EREG: variants seen among roughly 807,000 people sequenced by gnomAD.
EREG encodes the protein epiregulin.
Under a neutral mutation model 22.4 loss-of-function variants are expected in EREG, and 23 were observed. The ratio of observed to expected loss-of-function variants is 1.03; its 90% CI spans 0.74 to 1.46. EREG has a LOEUF of 1.46. EREG is among the 40% of genes most tolerant of loss of function. The probability of loss-of-function intolerance (pLI) is 0.00; values close to 1 mark genes in which losing one functional copy is unlikely to be tolerated. For synonymous variants in EREG, 100 were observed against 75.4 expected, an observed-to-expected ratio of 1.33 and a Z score of -1.69; for missense variants, 226 against 205.9, an observed-to-expected ratio of 1.10 and a Z score of -0.60.
At chr4:74,380,008 T>C (rs1194232922) in intron 2 of EREG, among the ~76,000 whole-genome samples, 1 of 152,214 alleles carries the variant, frequency 6.6e-6, no homozygotes, top group East Asian at 1.9e-4. Flanking sequence ...GAGTATGTAG[T>C]ATGCACCAAA....
Position 74,384,929 on chromosome 4 carries a change from T to C in EREG, c.*121T>C, listed in dbSNP as rs112964095. 3.4e-3 allele frequency: 1,709 copies of C among 502,860 alleles called. 24 individuals carry two copies. Among genetic ancestry groups the C allele is most frequent in the African/African-American group, 0.03 (1,539 of 51,428 alleles). 31.1% of individuals were successfully genotyped at this position (502,860 alleles called of 1,614,324 possible). On this transcript the variant is annotated 3_prime_UTR_variant, in exon 5 of 5. Transcript: ENST00000244869. ...AGGTCAATAACACTGTATTTTAATG[T>C]ACTTGAAAAATGTTTTTATTTTTGT...
intron 1 of EREG, among the ~76,000 whole-genome samples, chr4:74,375,512 A>T (rs1966937): frequency 2.0e-5 from 3 of 146,724 alleles, no homozygotes; most frequent in Non-Finnish European, 1.5e-5. Flanking sequence ...TGTATTTTTA[A>T]TAGAGACGGG....
chr4:74,383,030 T>A (rs566845876), intron 4 of EREG, among the ~76,000 whole-genome samples: 1 of 152,340 alleles, frequency 6.6e-6, no homozygotes, highest in South Asian at 2.1e-4. Flanking sequence ...CCTGCATGTG[T>A]ACCCCCGAAT....
intron 1 of EREG, among the ~76,000 whole-genome samples, chr4:74,366,654 A>G (rs755933413): frequency 6.6e-6 from 1 of 152,230 alleles, no homozygotes; most frequent in South Asian, 2.1e-4. Context: ...GTAAGGTTGC[A>G]TCTGAACAAT....
At chr4:74,376,012 A>G (rs1159439428) in intron 1 of EREG, among the ~76,000 whole-genome samples, 2 of 152,346 alleles carry the variant, frequency 1.3e-5, no homozygotes, top group Non-Finnish European at 2.9e-5. Context: ...GAGTAAGGAA[A>G]GTCCAGTCTT....
Position 74,384,736 on chromosome 4 carries a change from T to G in EREG, c.438T>G (p.Asn146Lys). The change falls in exon 5 of 5, where the codon AAT (asparagine) becomes AAG (lysine). Residue 146 changes from asparagine to lysine, a missense_variant. Transcript: ENST00000244869. ...TTGTGAATATTTCCAGGTACAGAAA[T>G]CGAAAAAGTAAAGAACCAAAGAAGG... ...STYYFCRWYR[N>K]RKSKEPKKEY... 1 of 1,608,724 alleles carries G rather than the reference T, an allele frequency of 6.2e-7. No individual in the cohort carries two copies. The highest frequency in any genetic ancestry group is 8.5e-7 in the Non-Finnish European group (1 of 1,175,422).
At chr4:74,377,867 C>G (rs1752407562) in intron 1 of EREG, among the ~76,000 whole-genome samples, 1 of 152,176 alleles carries the variant, frequency 6.6e-6, no homozygotes. Context: ...AATCACCTCC[C>G]TCCTTGGACA....
chr4:74,385,800 C>T lies in EREG; in HGVS notation c.*992C>T, dbSNP rs559509935. On this transcript the variant is annotated 3_prime_UTR_variant, in exon 5 of 5. Transcript: ENST00000244869. ...TACATGTTGTCTTAAGATGGAAATA[C>T]AGTTATTTCATCTTTTATTCAAGGA... 7.6e-6 allele frequency: 3 copies of T among 395,134 alleles called. No homozygotes were observed. The highest frequency in any genetic ancestry group is 1.3e-4 in the South Asian group (1 of 7,804). The allele number at this position is 395,134 out of a possible 1,614,324, so 24.5% of individuals were successfully genotyped here. A position where few individuals can be genotyped will look rare whatever the true frequency, so the allele number is the denominator to read the frequency against.
Position 74,379,459 on chromosome 4 carries a change from C to A in EREG, c.79C>A (p.Leu27Ile), listed in dbSNP as rs761666107. The change falls in exon 2 of 5, where the codon CTA becomes ATA. Residue 27 changes from leucine to isoleucine, a missense_variant. Physicochemically the swap from Leu to Ile is conservative, Grantham distance 5. Transcript: ENST00000244869. ...ALLLCLGFHL[L>I]QAVLSTTVIP... ...TTCTTCATAAATAGGTTTCCATCTT[C>A]TACAGGCAGTCCTCAGTACAACTGT... The A allele has an allele frequency of 3.7e-6, 6 of 1,603,736 alleles. No individual in the cohort carries two copies. The Admixed American group carries it at 1.0e-4, about 27-fold the overall frequency.
In EREG at chr4:74,365,213, T is replaced by G. The variant is rs6836436; in HGVS notation, c.-96T>G. ...GGGTCCCTTCTAGGCTGACAGCCGC[T>G]CTCCAGCCACTGCCGCGAGCCCGTC... On this transcript the variant is annotated 5_prime_UTR_variant, in exon 1 of 5. Coordinates refer to ENST00000244869, the MANE Select transcript of EREG (RefSeq NM_001432.3). 0.048 allele frequency: 45,362 copies of G among 939,102 alleles called. 2,549 individuals carry two copies. Among genetic ancestry groups the G allele is most frequent in the African/African-American group, 0.22 (13,633 of 61,932 alleles). 58.2% of individuals were successfully genotyped at this position (939,102 alleles called of 1,614,324 possible). A position where few individuals can be genotyped will look rare whatever the true frequency, so the allele number is the denominator to read the frequency against.
intron 1 of EREG, among the ~76,000 whole-genome samples, chr4:74,378,963 G>A (rs1256056413): frequency 6.6e-6 from 1 of 152,168 alleles, no homozygotes; most frequent in Non-Finnish European, 1.5e-5. Context: ...CATGTGTAAT[G>A]CAATGCAAAG....
chr4:74,376,151 G>C (rs943213820), intron 1 of EREG, among the ~76,000 whole-genome samples: 1 of 152,136 alleles, frequency 6.6e-6, no homozygotes, highest in African/African-American at 2.4e-5. Flanking sequence ...CTTTAAAAAA[G>C]AAGACTAACA....
At chr4:74,384,332 A>T (rs1465156757) in intron 4 of EREG, among the ~76,000 whole-genome samples, 1 of 152,204 alleles carries the variant, frequency 6.6e-6, no homozygotes, top group Non-Finnish European at 1.5e-5. Context: ...TATCAATGTG[A>T]TGGAAAGAGT....
At chr4:74,370,800 T>C (rs1413766043) in intron 1 of EREG, among the ~76,000 whole-genome samples, 1 of 152,156 alleles carries the variant, frequency 6.6e-6, no homozygotes, top group East Asian at 1.9e-4. Context: ...CCAAACTTCA[T>C]TTCACCCTCT....
At chr4:74,370,649 G>C (rs1436153900) in intron 1 of EREG, among the ~76,000 whole-genome samples, 1 of 152,102 alleles carries the variant, frequency 6.6e-6, no homozygotes, top group Non-Finnish European at 1.5e-5. Flanking sequence ...TAGAGAGAGA[G>C]AGACAGAAAG....
chr4:74,368,781 T>C lies in EREG; in HGVS notation c.67+3406T>C, dbSNP rs114122383. Among the ~76,000 whole-genome samples the C allele has an allele frequency of 2.2e-3, 329 of 152,292 alleles. 1 individual carries two copies. Among genetic ancestry groups the C allele is most frequent in the African/African-American group, 7.5e-3 (311 of 41,580 alleles). ...GCCTGTACAAATCGTCTAATTAATA[T>C]GGCTGTAACTGCTGCTGGGAACATT... On this transcript the variant is annotated intron_variant, in intron 1 of 4. Transcript: ENST00000244869.
Position 74,385,600 on chromosome 4 carries a change from T to C in EREG, c.*792T>C. The stretch of plus-strand genomic sequence containing the variant: ...TATTACAACATTTATGTGAGGTAAT[T>C]ATTGCTCAACAGACAATTAGAAAAA... On this transcript the variant is annotated 3_prime_UTR_variant, in exon 5 of 5. Transcript: ENST00000244869. 1 of 307,112 alleles carries C rather than the reference T, an allele frequency of 3.3e-6. No individual in the cohort carries two copies. Among genetic ancestry groups the C allele is most frequent in the Non-Finnish European group, 5.9e-6 (1 of 169,306 alleles). The allele number at this position is 307,112 out of a possible 1,614,324, so 19.0% of individuals were successfully genotyped here.
intron 1 of EREG, among the ~76,000 whole-genome samples, chr4:74,377,216 GATAGGAAAA>G (rs1179386040): frequency 6.7e-6 from 1 of 148,820 alleles, no homozygotes; most frequent in African/African-American, 2.5e-5. Flanking sequence ...AAATCTATAA[GATAGGAAAA>G]ATTAACACCC....
At position 74,386,095 on chromosome 4, in the gene EREG, T is replaced by C. The variant is rs1752564524; in HGVS notation, c.*1287T>C. 1.2e-5 allele frequency: 4 copies of C among 320,254 alleles called. No individual in the cohort carries two copies. The highest frequency in any genetic ancestry group is 1.7e-5 in the Non-Finnish European group (3 of 176,756). The allele number at this position is 320,254 out of a possible 1,614,324, so 19.8% of individuals were successfully genotyped here. A position where few individuals can be genotyped will look rare whatever the true frequency, so the allele number is the denominator to read the frequency against. On this transcript the variant is annotated 3_prime_UTR_variant, in exon 5 of 5. Transcript: ENST00000244869. ...AGATTTCTTCTGCACTCTGAGCCCA[T>C]AGGTCTCAGAGAGTTAATAGGAGTA...
Sources: gnomAD v4.1 joint callset for allele counts (sites outside exome capture counted in the v4.1 genomes callset) on GRCh38, gnomAD v4.1.1 for gene constraint, MANE v1.5 for transcripts, NCBI Gene and HGNC (gene_info 2026-07-23, HGNC 2026-07-21) for gene names.